Variants in TRAPPC10 observed in about 807,000 individuals in gnomAD.
TRAPPC10 encodes the protein trafficking protein particle complex subunit 10.
Under a neutral mutation model 125.5 loss-of-function variants are expected in TRAPPC10, and 23 were observed. That is an observed-to-expected ratio of 0.18 (90% CI 0.13 to 0.26). The LOEUF is 0.26. Among genes scored for constraint, TRAPPC10 ranks in the 10% least tolerant of loss-of-function variants. The pLI, the probability that TRAPPC10 is intolerant of heterozygous loss-of-function variation, is 1.00. For missense variants in TRAPPC10, 1,123 were observed against 1,308.4 expected (o/e 0.86, Z 2.19); for synonymous variants, 509 against 518.0 (o/e 0.98, Z 0.24).
chr21:44,101,070 T>C (rs2039042071), intron 21 of TRAPPC10, among the ~76,000 whole-genome samples: 1 of 71,752 alleles, frequency 1.4e-5, no homozygotes, highest in Non-Finnish European at 4.6e-5. Context: ...GCAGGAGAAT[T>C]GCCTGAACCC....
chr21:44,091,162 G>C (rs931692133), intron 18 of TRAPPC10, among the ~76,000 whole-genome samples: 1 of 152,220 alleles, frequency 6.6e-6, no homozygotes, highest in Non-Finnish European at 1.5e-5. Flanking sequence ...TTGCACCCCA[G>C]CCTGGGCGAC....
intron 1 of TRAPPC10, among the ~76,000 whole-genome samples, chr21:44,029,847 C>T (rs1460696704): frequency 1.3e-5 from 2 of 152,236 alleles, no homozygotes; most frequent in African/African-American, 4.8e-5. Context: ...AAGACCTTAT[C>T]TGCATATGGT....
intron 15 of TRAPPC10, among the ~76,000 whole-genome samples, chr21:44,085,415 A>G (rs1428324526): frequency 6.6e-6 from 1 of 152,192 alleles, no homozygotes; most frequent in Non-Finnish European, 1.5e-5. Flanking sequence ...GCTAAACACT[A>G]GATTTAGTTA....
intron 4 of TRAPPC10, among the ~76,000 whole-genome samples, chr21:44,055,299 G>A (rs1481096384): frequency 6.6e-6 from 1 of 152,082 alleles, no homozygotes; most frequent in Non-Finnish European, 1.5e-5. Context: ...ACTGTTTATA[G>A]ACGGAAGAAG....
chr21:44,036,278 G>A (rs933265999), intron 2 of TRAPPC10, among the ~76,000 whole-genome samples: 3 of 152,276 alleles, frequency 2.0e-5, no homozygotes, highest in Admixed American at 6.5e-5. Context: ...ATACATTTAC[G>A]AGCAGCCTCC....
At chr21:44,034,638 C>G (rs1261216335) in intron 2 of TRAPPC10, among the ~76,000 whole-genome samples, 2 of 152,158 alleles carry the variant, frequency 1.3e-5, no homozygotes, top group Non-Finnish European at 1.5e-5. Context: ...AGGGAAGATA[C>G]GTCCACCTGA....
intron 3 of TRAPPC10, chr21:44,046,904 A>G: frequency 1.2e-6 from 1 of 835,008 alleles, no homozygotes; most frequent in Non-Finnish European, 2.1e-6. Flanking sequence ...AGTCGCGCCC[A>G]CACGTCCATG....
rs1386495695 is a variant in TRAPPC10, at chr21:44,059,108, G to A, written c.684G>A (p.Glu228=). The A allele has an allele frequency of 6.3e-7, 1 of 1,592,070 alleles. No homozygotes were observed. The change falls in exon 6 of 23, where the codon GAG becomes GAA. Residue 228 remains glutamate, a synonymous_variant. Transcript: ENST00000291574. This position sits in a 1 kb window ranked among gnomAD's most constrained non-coding sequence, Gnocchi z 4.4. ...AACGTATCTTGGGCGAATAGGAGGAGCTTGCCTTTGTTTTCGAGATGCTGC... is the reference window on the plus strand; with the variant it reads ...AACGTATCTTGGGCGAATAGGAGGAACTTGCCTTTGTTTTCGAGATGCTGC... ...SFCEYFMVQE[E]LAFVFEMLQQ...
chr21:44,088,101 G>A (rs1429405895), intron 17 of TRAPPC10, 173 bp downstream of exon 17: 1 of 638,674 alleles, frequency 1.6e-6, no homozygotes, highest in Non-Finnish European at 2.7e-6. Flanking sequence ...CTTAGATAAG[G>A]GGTGCATTTT....
chr21:44,071,359 T>C (rs1313727100), intron 7 of TRAPPC10, among the ~76,000 whole-genome samples: 1 of 152,288 alleles, frequency 6.6e-6, no homozygotes, highest in Non-Finnish European at 1.5e-5. Context: ...CCTTGTTGTA[T>C]GCATTTTGCC....
In TRAPPC10 at chr21:44,093,463, G is replaced by GA. The variant is rs906867750; in HGVS notation, c.2998-590dup. Reference sequence around the variant, plus strand: ...AGTGAGACCCTGTCTCTAAAAAAGGGAAAAAAAAAATCAGCGGGGCGTGGT... The same window carrying GA: ...AGTGAGACCCTGTCTCTAAAAAAGGGAAAAAAAAAAATCAGCGGGGCGTGGT... On this transcript the variant is annotated intron_variant, in intron 19 of 22. Transcript: ENST00000291574. 1.8e-4 allele frequency among the ~76,000 whole-genome samples: 24 copies of GA among 132,040 alleles called. No homozygotes were observed. The East Asian group carries it at 2.3e-3, about 13-fold the overall frequency. 86.6% of individuals were successfully genotyped at this position (132,040 alleles called of 152,430 possible).
chr21:44,062,626 A>T (rs1033205618), intron 6 of TRAPPC10: 1 of 984,676 alleles, frequency 1.0e-6, no homozygotes, highest in Admixed American at 6.2e-5. Flanking sequence ...GGGTGCTCCA[A>T]TAGCCCTGAG....
At chr21:44,089,712 G>A (rs1601825595) in intron 17 of TRAPPC10, 121 bp from the exon 18 acceptor site, 1 of 720,878 alleles carries the variant, frequency 1.4e-6, no homozygotes, top group South Asian at 1.5e-5. Context: ...ATGAGTGGTT[G>A]AAGCCATAAT....
intron 3 of TRAPPC10, among the ~76,000 whole-genome samples, chr21:44,041,382 C>CTT (rs997550768): frequency 6.9e-6 from 1 of 145,092 alleles, no homozygotes. Flanking sequence ...TCTTTCTTTA[C>CTT]TTTTTTTTTT....
chr21:44,031,342 G>A (rs937224024), intron 1 of TRAPPC10, among the ~76,000 whole-genome samples: 3 of 152,114 alleles, frequency 2.0e-5, no homozygotes, highest in African/African-American at 7.2e-5. Context: ...TTTTTTAGCC[G>A]AAGTGTAATA....
intron 3 of TRAPPC10, 113 bp downstream of exon 3, chr21:44,038,040 A>G (rs1325743996): frequency 1.0e-5 from 14 of 1,371,030 alleles, no homozygotes; most frequent in African/African-American, 7.4e-5. Flanking sequence ...GGAGTTGGAG[A>G]TGCGTGGAGA....
At chr21:44,019,683 AT>A (rs1601549352) in intron 1 of TRAPPC10, among the ~76,000 whole-genome samples, 1 of 152,132 alleles carries the variant, frequency 6.6e-6, no homozygotes, top group Non-Finnish European at 1.5e-5. Context: ...CCTGAACTTA[AT>A]TAAGTCTACA....
intron 1 of TRAPPC10, among the ~76,000 whole-genome samples, chr21:44,030,733 G>A (rs1450631961): frequency 6.6e-6 from 1 of 152,182 alleles, no homozygotes; most frequent in Non-Finnish European, 1.5e-5. Flanking sequence ...CTCCCAAAAT[G>A]CTGGGATTAC....
At chr21:44,074,991 G>C (rs760755878) in intron 8 of TRAPPC10, 48 bp from the exon 9 acceptor site, 3 of 1,323,426 alleles carry the variant, frequency 2.3e-6, no homozygotes, top group Non-Finnish European at 3.2e-6. Context: ...TGAATTCCCT[G>C]CTGACTCTTA....
Sources: allele counts gnomAD v4.1 joint callset (sites outside exome capture counted in the v4.1 genomes callset), GRCh38; gene constraint gnomAD v4.1.1; non-coding constraint Gnocchi (gnomAD v3.1); transcripts MANE v1.5; gene names NCBI Gene and HGNC (gene_info 2026-07-23, HGNC 2026-07-21).